WDR72: variants seen among roughly 807,000 people sequenced by gnomAD.
The protein encoded by WDR72 is WD repeat-containing protein 72.
WDR72 carries 120 observed loss-of-function variants against 124.2 expected under a neutral mutation model. The observed-to-expected ratio is 0.97, with a 90% CI of 0.83 to 1.12. The LOEUF (loss-of-function observed/expected upper bound fraction) is 1.12. Among genes scored for constraint, WDR72 ranks in the 50% most tolerant of loss-of-function variants. WDR72 has a pLI of 0.00. For missense variants in WDR72, 1,387 were observed against 1,278.8 expected, an observed-to-expected ratio of 1.08 and a Z score of -1.29; for synonymous variants, 452 against 441.7, an observed-to-expected ratio of 1.02 and a Z score of -0.29.
intron 17 of WDR72, among the ~76,000 whole-genome samples, chr15:53,608,785 T>TAAATAAATAAATAAAAATAAAA: frequency 6.7e-6 from 1 of 149,908 alleles, no homozygotes; most frequent in African/African-American, 2.5e-5. Context: ...AATAAATAAA[T>TAAATAAATAAATAAAAATAAAA]ATAAAAATAA....
At chr15:53,594,934 T>C (rs923072288) in intron 18 of WDR72, among the ~76,000 whole-genome samples, 1 of 152,134 alleles carries the variant, frequency 6.6e-6, no homozygotes, top group African/African-American at 2.4e-5. Flanking sequence ...ACAATATTAA[T>C]ATGAAATATA....
intron 13 of WDR72, among the ~76,000 whole-genome samples, chr15:53,678,832 G>T (rs546040377): frequency 6.6e-6 from 1 of 152,116 alleles, no homozygotes; most frequent in Non-Finnish European, 1.5e-5. Flanking sequence ...TGAAAACAAC[G>T]ATATGAATAG....
chr15:53,758,783 C>CG (rs2018985348), intron 1 of WDR72, among the ~76,000 whole-genome samples: 1 of 6,564 alleles, frequency 1.5e-4, no homozygotes, highest in African/African-American at 6.0e-4. Flanking sequence ...GGGGGGGGGG[C>CG]GGTGCGGGCG....
At position 53,672,454 on chromosome 15, in the gene WDR72, C is replaced by T. The variant is rs548026047; in HGVS notation, c.1766-6686G>A. 2.0e-5 allele frequency among the ~76,000 whole-genome samples: 3 copies of T among 152,204 alleles called. No homozygotes were observed. The South Asian group carries it at 6.2e-4, about 32-fold the overall frequency. ...AATCAGTATGTTGCTAAAATACAGC[C>T]CTCTTGTAAACCCATTAGGATTGTC... On this transcript the variant is annotated intron_variant, in intron 13 of 19. Coordinates refer to ENST00000360509, the MANE Select transcript of WDR72 (RefSeq NM_182758.4).
chr15:53,701,536 G>GTCTCTC (rs370281315), intron 12 of WDR72, among the ~76,000 whole-genome samples: 2,572 of 101,448 alleles, frequency 0.025, 43 homozygotes, highest in Middle Eastern at 0.034. Flanking sequence ...GTGAGACCCT[G>GTCTCTC]TCTCTCTCTC....
chr15:53,659,130 T>C (rs979393785), intron 14 of WDR72, among the ~76,000 whole-genome samples: 1 of 152,142 alleles, frequency 6.6e-6, no homozygotes, highest in Non-Finnish European at 1.5e-5. Flanking sequence ...CTAAGGCCAA[T>C]ATAAAAGTTT....
chr15:53,522,412 T>C lies in WDR72; in HGVS notation c.3253+806A>G, dbSNP rs117739421. 2.5e-3 allele frequency among the ~76,000 whole-genome samples: 375 copies of C among 152,040 alleles called. 2 individuals carry two copies. Among genetic ancestry groups the C allele is most frequent in the Non-Finnish European group, 3.7e-3 (250 of 67,922 alleles). On this transcript the variant is annotated intron_variant, in intron 19 of 19. Coordinates refer to ENST00000360509, the MANE Select transcript of WDR72 (RefSeq NM_182758.4). ...CCAGATAAAACAGGAATCACAAATA[T>C]TAAGTGGAGGAGATATTTAACTCTT...
intron 14 of WDR72, among the ~76,000 whole-genome samples, chr15:53,651,585 C>T (rs1332575794): frequency 6.6e-6 from 1 of 152,162 alleles, no homozygotes; most frequent in Non-Finnish European, 1.5e-5. Flanking sequence ...GAGCTTTAGG[C>T]CTAACTGAGA....
At chr15:53,703,685 G>A (rs907829487) in intron 11 of WDR72, among the ~76,000 whole-genome samples, 1 of 151,786 alleles carries the variant, frequency 6.6e-6, no homozygotes, top group Admixed American at 6.6e-5. Flanking sequence ...TGTGCTAGGG[G>A]GTTACTCTTC....
In WDR72 at chr15:53,752,104, A is replaced by C. The variant is rs561444661; in HGVS notation, c.-13+7529T>G. On this transcript the variant is annotated intron_variant, in intron 1 of 19. Coordinates refer to ENST00000360509, the MANE Select transcript of WDR72 (RefSeq NM_182758.4). ...TTCTATCATTCATAACTTACAGTAG[A>C]TCCCATCTATTAAGTGAATTAAGTA... 9.8e-5 allele frequency among the ~76,000 whole-genome samples: 15 copies of C among 152,340 alleles called. No individual in the cohort carries two copies. In the South Asian group the frequency reaches 1.9e-3, roughly 19 times the overall value.
intron 3 of WDR72, among the ~76,000 whole-genome samples, chr15:53,718,799 A>T (rs1040095384): frequency 7.3e-5 from 10 of 136,116 alleles, no homozygotes; most frequent in African/African-American, 3.1e-4. Flanking sequence ...ATTTTTAAAA[A>T]TTTTAAAAAC....
rs1288518643 is a variant in WDR72 at position 53,710,932 on chromosome 15, G to T, written c.879C>A (p.Tyr293Ter). ...LLNSGLSKSI[Y>*]PADGRVLKET... ...CTTTAAGCACTCTTCCATCAGCAGG[G>T]TATATGCTTTTTGAAAGCCCACTGC... The change falls in exon 9 of 20, where the codon TAC becomes TAA. Residue 293 changes from tyrosine (Y) to a stop codon, truncating the protein, a stop_gained. Coordinates refer to ENST00000360509, the MANE Select transcript of WDR72 (RefSeq NM_182758.4). LOFTEE classifies it high-confidence loss of function. 6.2e-7 allele frequency: 1 copy of T among 1,613,562 alleles called. No homozygotes were observed. The highest frequency in any genetic ancestry group is 1.1e-5 in the South Asian group (1 of 91,080).
At chr15:53,718,672 T>C (rs1031171591) in intron 3 of WDR72, among the ~76,000 whole-genome samples, 5 of 146,342 alleles carry the variant, frequency 3.4e-5, no homozygotes, top group Non-Finnish European at 5.9e-5. Context: ...AATCTTTTCA[T>C]TTTCTGAAGC....
At chr15:53,744,483 T>G (rs1224248087) in intron 1 of WDR72, among the ~76,000 whole-genome samples, 1 of 152,184 alleles carries the variant, frequency 6.6e-6, no homozygotes, top group Non-Finnish European at 1.5e-5. Flanking sequence ...ACTGTTCTGC[T>G]TTAAAGTGAA....
intron 1 of WDR72, among the ~76,000 whole-genome samples, chr15:53,747,983 T>TC (rs1230320229): frequency 4.9e-5 from 1 of 20,206 alleles, no homozygotes; most frequent in Non-Finnish European, 1.3e-4. Context: ...AGTGAAAATC[T>TC]TTTTTTTTTT....
At chr15:53,711,014 C>T (rs985996325) in intron 8 of WDR72, 61 bp from the exon 9 acceptor site, 11 of 1,386,216 alleles carry the variant, frequency 7.9e-6, no homozygotes, top group Non-Finnish European at 1.1e-5. Context: ...CGTTTTTTTT[C>T]CCCCTCCCAC....
At position 53,699,779 on chromosome 15, in the gene WDR72, T is replaced by G. The variant is rs1400207518; in HGVS notation, c.1736A>C (p.Asp579Ala). The G allele has an allele frequency of 1.7e-5, 28 of 1,613,978 alleles. No individual in the cohort carries two copies. Among genetic ancestry groups the G allele is most frequent in the Non-Finnish European group, 2.4e-5 (28 of 1,180,018 alleles). Reference sequence around the variant, plus strand: ...TTCAATTTCCCAGATATAAACTGAGTCATCTGCACATCCAACAATTAAAAA... The same window carrying G: ...TTCAATTTCCCAGATATAAACTGAGGCATCTGCACATCCAACAATTAAAAA... ...ENFLIVGCADDSVYIWEIETG... is the reference protein window; with the variant it reads ...ENFLIVGCADASVYIWEIETG... Residue 579 changes from aspartate (D) to alanine (A), a missense_variant, in exon 13 of 20, where the codon GAC (aspartate) becomes GCC (alanine). Asp to Ala is a moderately radical substitution (Grantham distance 126). Transcript: ENST00000360509.
chr15:53,539,658 C>T (rs1892964813), intron 18 of WDR72, among the ~76,000 whole-genome samples: 1 of 149,624 alleles, frequency 6.7e-6, no homozygotes, highest in African/African-American at 2.4e-5. Flanking sequence ...AAAAAAAAAA[C>T]TACCAAATAC....
intron 18 of WDR72, among the ~76,000 whole-genome samples, chr15:53,538,469 G>A (rs1892880141): frequency 6.6e-6 from 1 of 151,976 alleles, no homozygotes; most frequent in Non-Finnish European, 1.5e-5. Flanking sequence ...GTCATTTGAC[G>A]GTGTATACAT....
Sources: allele counts gnomAD v4.1 joint callset (sites outside exome capture counted in the v4.1 genomes callset), GRCh38; gene constraint gnomAD v4.1.1; transcripts MANE v1.5; gene names NCBI Gene and HGNC (gene_info 2026-07-23, HGNC 2026-07-21).